EPB41L4A: variants seen among roughly 807,000 people sequenced by gnomAD.
EPB41L4A encodes band 4.1-like protein 4A.
A neutral mutation model predicts 108.6 loss-of-function variants in EPB41L4A; 100 were observed. The observed-to-expected ratio is 0.92, with a 90% CI of 0.78 to 1.09. EPB41L4A has a LOEUF of 1.09. EPB41L4A is among the 50% of genes least tolerant of loss of function. The pLI is 0.00. For synonymous variants in EPB41L4A, 319 were observed against 289.0 expected (o/e 1.10, Z -1.05); for missense variants, 1,030 against 842.7 (o/e 1.22, Z -2.75).
At chr5:112,278,276 G>A (rs1453497306) in intron 3 of EPB41L4A, among the ~76,000 whole-genome samples, 6 of 148,934 alleles carry the variant, frequency 4.0e-5, no homozygotes, top group Non-Finnish European at 5.9e-5. Context: ...TTGAGATGGA[G>A]TCTCGCTCTG....
chr5:112,389,313 G>A (rs1421337022), intron 1 of EPB41L4A, among the ~76,000 whole-genome samples: 1 of 152,072 alleles, frequency 6.6e-6, no homozygotes, highest in African/African-American at 2.4e-5. Flanking sequence ...AAAAATCATA[G>A]GAGGCCACTG....
intron 2 of EPB41L4A, among the ~76,000 whole-genome samples, chr5:112,302,995 G>C (rs1238007849): frequency 2.0e-5 from 3 of 152,024 alleles, no homozygotes; most frequent in Non-Finnish European, 4.4e-5. Flanking sequence ...AAAGTCAAAG[G>C]GTTACCTAAG....
Position 112,164,188 on chromosome 5 carries a change from A to G in EPB41L4A, c.*802T>C, listed in dbSNP as rs1412170226. ...ATTAACAACACTTAAAGCTTTTTAC[A>G]TCATTTGTAAATAACTGGTGGAACT... On this transcript the variant is annotated 3_prime_UTR_variant, in exon 23 of 23. Coordinates refer to ENST00000261486, the MANE Select transcript of EPB41L4A (RefSeq NM_022140.5). 2.0e-5 allele frequency: 3 copies of G among 152,252 alleles called. No homozygotes were observed. Among genetic ancestry groups the G allele is most frequent in the Non-Finnish European group, 2.9e-5 (2 of 68,046 alleles). The allele number at this position is 152,252 out of a possible 1,614,324, so 9.4% of individuals were successfully genotyped here.
chr5:112,402,657 T>C (rs186942024), intron 1 of EPB41L4A, among the ~76,000 whole-genome samples: 4 of 152,184 alleles, frequency 2.6e-5, no homozygotes, highest in Admixed American at 2.0e-4. Context: ...ACCCCTCCCC[T>C]GGGGAGAAAA....
intron 1 of EPB41L4A, among the ~76,000 whole-genome samples, chr5:112,328,819 C>T (rs180971461): frequency 2.6e-4 from 39 of 152,300 alleles, no homozygotes; most frequent in African/African-American, 8.7e-4. Context: ...CACAAATGTG[C>T]TAAAAGAATT....
intron 1 of EPB41L4A, among the ~76,000 whole-genome samples, chr5:112,331,173 C>G (rs1393985976): frequency 1.3e-5 from 2 of 152,228 alleles, no homozygotes; most frequent in Non-Finnish European, 2.9e-5. Flanking sequence ...CCAGCTTCCT[C>G]TTCTAATGGA....
chr5:112,161,796 G>C, downstream of EPB41L4A: 1 of 323,046 alleles, frequency 3.1e-6, no homozygotes, highest in Non-Finnish European at 6.2e-6. Flanking sequence ...ATGTCTTAAA[G>C]CACTTTGTAA....
chr5:112,234,926 C>A (rs961647914), intron 11 of EPB41L4A, among the ~76,000 whole-genome samples, 171 bp from the exon 12 acceptor site: 1 of 152,008 alleles, frequency 6.6e-6, no homozygotes, highest in Non-Finnish European at 1.5e-5. Context: ...TTATTAAATT[C>A]TAGGAGGAGA....
intron 1 of EPB41L4A, among the ~76,000 whole-genome samples, chr5:112,362,288 T>TTG (rs1561608346): frequency 6.6e-6 from 1 of 150,654 alleles, no homozygotes; most frequent in African/African-American, 2.4e-5. Context: ...TAATGTTTTT[T>TTG]TTTTTTTTTT....
chr5:112,298,932 G>A (rs1296732978), intron 2 of EPB41L4A, among the ~76,000 whole-genome samples: 8 of 152,084 alleles, frequency 5.3e-5, no homozygotes, highest in East Asian at 1.9e-4. Context: ...GTTTATGCAC[G>A]TAAATGTGTT....
rs117419473 is a variant in EPB41L4A at position 112,244,624 on chromosome 5, G to A, written c.796-3814C>T. On this transcript the variant is annotated intron_variant, in intron 9 of 22. Transcript: ENST00000261486. ...CAGATATGATGTCTACATAGTGTGC[G>A]GGGAAGGCTGGTCACCCTACCGTAA... Among the ~76,000 whole-genome samples, 28 of 152,256 alleles carry A rather than the reference G, an allele frequency of 1.8e-4. No homozygotes were observed. In the East Asian group the frequency reaches 5.0e-3, roughly 27 times the overall value.
At chr5:112,314,933 TTTCTG>T (rs1755336292) in intron 1 of EPB41L4A, among the ~76,000 whole-genome samples, 1 of 152,214 alleles carries the variant, frequency 6.6e-6, no homozygotes, top group Admixed American at 6.5e-5. Flanking sequence ...GCCCAAGGAC[TTTCTG>T]AAATCAATAA....
At chr5:112,265,170 G>A (rs559379882) in intron 5 of EPB41L4A, among the ~76,000 whole-genome samples, 154 bp from the exon 6 acceptor site, 1 of 152,146 alleles carries the variant, frequency 6.6e-6, no homozygotes, top group East Asian at 1.9e-4. Context: ...AAACAAATCT[G>A]ATGAGCATAT....
intron 12 of EPB41L4A, among the ~76,000 whole-genome samples, chr5:112,154,519 C>T (rs1759583146): frequency 6.6e-6 from 1 of 152,120 alleles, no homozygotes; most frequent in Non-Finnish European, 1.5e-5. Context: ...TTCTTCAATA[C>T]TCTTTTTACA....
intron 1 of EPB41L4A, among the ~76,000 whole-genome samples, chr5:112,401,437 G>A (rs918027896): frequency 1.1e-4 from 17 of 152,194 alleles, no homozygotes; most frequent in Admixed American, 6.5e-4. Flanking sequence ...AATTCTCAAT[G>A]TTCTCTCATT....
intron 12 of EPB41L4A, among the ~76,000 whole-genome samples, chr5:112,233,101 A>C (rs751271121): frequency 6.6e-5 from 10 of 152,234 alleles, no homozygotes; most frequent in Non-Finnish European, 1.3e-4. Flanking sequence ...TAAATTGTCA[A>C]ACACAAGAAT....
At chr5:112,236,417 A>C (rs2150370989) in intron 11 of EPB41L4A, among the ~76,000 whole-genome samples, 1 of 152,318 alleles carries the variant, frequency 6.6e-6, no homozygotes, top group South Asian at 2.1e-4. Flanking sequence ...TTCCCCAGCT[A>C]AGTGGTCTTC....
chr5:112,386,206 A>C (rs904091996), intron 1 of EPB41L4A, among the ~76,000 whole-genome samples: 1 of 152,214 alleles, frequency 6.6e-6, no homozygotes, highest in African/African-American at 2.4e-5. Flanking sequence ...TGAATCCTGG[A>C]AATGTACAGT....
intron 1 of EPB41L4A, among the ~76,000 whole-genome samples, chr5:112,350,610 A>C (rs1380734719): frequency 1.3e-5 from 2 of 152,206 alleles, no homozygotes; most frequent in East Asian, 3.9e-4. Flanking sequence ...CCATTAACCT[A>C]TCTCTCTTCA....
Sources: allele counts gnomAD v4.1 joint callset (sites outside exome capture counted in the v4.1 genomes callset), GRCh38; gene constraint gnomAD v4.1.1; transcripts MANE v1.5; gene names NCBI Gene and HGNC (gene_info 2026-07-23, HGNC 2026-07-21).